GLP1R: variants seen among roughly 807,000 people sequenced by gnomAD.
GLP1R encodes glucagon like peptide 1 receptor.
In GLP1R, 32 loss-of-function variants were observed where a neutral mutation model predicts 68.4. The observed-to-expected ratio is 0.47, with a 90% confidence interval of 0.35 to 0.63. The LOEUF is 0.63. Among genes scored for constraint, GLP1R ranks in the 20% least tolerant of loss-of-function variants. The pLI is 0.00. For missense variants in GLP1R, 502 were observed against 594.9 expected (o/e 0.84, Z 1.62); for synonymous variants, 263 against 244.4 (o/e 1.08, Z -0.71).
At chr6:39,061,858 CCTT>C (rs1426107750) in intron 3 of GLP1R, among the ~76,000 whole-genome samples, 4 of 152,212 alleles carry the variant, frequency 2.6e-5, no homozygotes, top group Admixed American at 1.3e-4. Context: ...AACCTGAGCT[CCTT>C]CTCCTAAGCC....
chr6:39,072,842 G>A lies in GLP1R; in HGVS notation c.510-20G>A, dbSNP rs758648757. ...ACTGTTGGCTGCCTTGCCAGGGAAA[G>A]GCCCTGCTTTCTCCCTCAGACACCT... On this transcript the variant is annotated intron_variant, in intron 5 of 12. Coordinates refer to ENST00000373256, the MANE Select transcript of GLP1R (RefSeq NM_002062.5). The A allele has an allele frequency of 3.1e-6, 5 of 1,609,204 alleles. No homozygotes were observed. The highest frequency in any genetic ancestry group is 3.4e-6 in the Non-Finnish European group (4 of 1,176,870).
At chr6:39,055,249 T>G (rs535847852) in intron 1 of GLP1R, among the ~76,000 whole-genome samples, 83 of 152,362 alleles carry the variant, frequency 5.4e-4, no homozygotes, top group Non-Finnish European at 4.4e-5. Flanking sequence ...CTATTTTAAT[T>G]TCAGCACACG....
intron 6 of GLP1R, 65 bp downstream of exon 6, chr6:39,073,080 C>T: frequency 3.5e-6 from 5 of 1,437,418 alleles, no homozygotes; most frequent in Non-Finnish European, 4.8e-6. Flanking sequence ...GCCTCTGCCA[C>T]CCTAGACAGG....
intron 1 of GLP1R, among the ~76,000 whole-genome samples, chr6:39,050,114 C>T (rs1183385877): frequency 6.6e-6 from 1 of 152,186 alleles, no homozygotes; most frequent in Non-Finnish European, 1.5e-5. Context: ...CAGACGCATC[C>T]TCTCCCTGCC....
rs9918349 is a variant in GLP1R, at chr6:39,090,620, G to A, written c.*4547G>A. Among the ~76,000 whole-genome samples the A allele has an allele frequency of 0.1, 15,613 of 152,146 alleles. 1,974 individuals are homozygous for A. The highest frequency in any genetic ancestry group is 0.3 in the African/African-American group (12,423 of 41,450). ...TTTGGATGTGATGAGGAGCAGGGCA[G>A]CCACCAGCTTGGATCCTAACTTACA... On this transcript the variant is annotated 3_prime_UTR_variant, in exon 13 of 13. Coordinates refer to ENST00000373256, the MANE Select transcript of GLP1R (RefSeq NM_002062.5).
chr6:39,065,941 C>T (rs748042071), intron 4 of GLP1R, 112 bp downstream of exon 4: 34 of 692,318 alleles, frequency 4.9e-5, no homozygotes, highest in Non-Finnish European at 7.8e-5. Flanking sequence ...TTTCATCCAT[C>T]TCCTTGCCTC....
intron 8 of GLP1R, 142 bp downstream of exon 8, chr6:39,078,524 A>T (rs1460072700): frequency 4.3e-6 from 3 of 696,934 alleles, no homozygotes; most frequent in Non-Finnish European, 7.8e-6. Context: ...TAGTTCTCTA[A>T]TCTCCCCTCC....
chr6:39,059,715 C>G, intron 3 of GLP1R, among the ~76,000 whole-genome samples: 1 of 152,178 alleles, frequency 6.6e-6, no homozygotes, highest in East Asian at 1.9e-4. Context: ...AATACACACA[C>G]TTTCTCTGCC....
rs766037799 is a variant in GLP1R at position 39,066,205 on chromosome 6, G to A, written c.411G>A (p.Pro137=). ...TCCCCCGTGTGCCACAGAGCTCCCCGGAGGAGCAGCTCCTGTTCCTCTACA... is the reference window on the plus strand; with the variant it reads ...TCCCCCGTGTGCCACAGAGCTCCCCAGAGGAGCAGCTCCTGTTCCTCTACA... ...EESKRGERSS[P]EEQLLFLYII... is the part of the protein sequence containing the mutation. The change falls in exon 5 of 13, where the codon CCG becomes CCA. Residue 137 remains proline (P), a synonymous_variant. Transcript: ENST00000373256. 1.8e-5 allele frequency: 28 copies of A among 1,589,050 alleles called. No individual in the cohort carries two copies. The highest frequency in any genetic ancestry group is 8.8e-5 in the South Asian group (8 of 90,554).
Position 39,056,384 on chromosome 6 carries a change from G to GC in GLP1R, c.79-10dup. On this transcript the variant is annotated splice_polypyrimidine_tract_variant and intron_variant, in intron 1 of 12. Coordinates refer to ENST00000373256, the MANE Select transcript of GLP1R (RefSeq NM_002062.5). ...CTGAACCCACAGGCCTCCCATATAT[G>GC]CCCTCCCCCCAGGGTGCCACTGTGT... 1.4e-6 allele frequency: 2 copies of GC among 1,473,450 alleles called. No individual in the cohort carries two copies. Among genetic ancestry groups the GC allele is most frequent in the Non-Finnish European group, 1.9e-6 (2 of 1,053,106 alleles). 91.3% of individuals were successfully genotyped at this position (1,473,450 alleles called of 1,614,324 possible). A position where few individuals can be genotyped will look rare whatever the true frequency, so the allele number is the denominator to read the frequency against.
intron 7 of GLP1R, among the ~76,000 whole-genome samples, chr6:39,075,648 G>GGA (rs1768798764): frequency 6.6e-6 from 1 of 152,208 alleles, no homozygotes; most frequent in African/African-American, 2.4e-5. Flanking sequence ...TTGGGGTGGG[G>GGA]GAGACGGAGA....
chr6:39,063,995 C>T (rs111349604), intron 3 of GLP1R, among the ~76,000 whole-genome samples: 9,113 of 139,886 alleles, frequency 0.065, 459 homozygotes, highest in East Asian at 0.11. Flanking sequence ...TCAGGAGACT[C>T]AGTTCTTTTT....
Position 39,079,568 on chromosome 6 carries a change from G to A in GLP1R, c.1048G>A (p.Ala350Thr). Reference protein sequence around the residue: ...MCKTDIKCRLAKSTLTLIPLL... With the variant: ...MCKTDIKCRLTKSTLTLIPLL... The stretch of plus-strand genomic sequence containing the variant: ...GATCTCTGCCCTGCCCCTCAGACTT[G>A]CCAAGTCCACGCTGACACTCATCCC... The change falls in exon 11 of 13, where the codon GCC becomes ACC. Residue 350 changes from alanine (A) to threonine (T), a missense_variant. Physicochemically the swap from Ala to Thr is moderately conservative, Grantham distance 58. Transcript: ENST00000373256. The surrounding 1 kb of genome is among the most constrained non-coding windows in gnomAD (Gnocchi z 4.5). The A allele has an allele frequency of 6.3e-7, 1 of 1,593,064 alleles. No individual in the cohort carries two copies.
rs541464576 is a variant in GLP1R, at chr6:39,049,824, G to A, written c.78+906G>A. ...TGGTCAGCTGCTTTTGAAGAGGGGAGCTGTCCAAAGATGCTGGGACTTGCT... is the reference window on the plus strand; with the variant it reads ...TGGTCAGCTGCTTTTGAAGAGGGGAACTGTCCAAAGATGCTGGGACTTGCT... On this transcript the variant is annotated intron_variant, in intron 1 of 12. Coordinates refer to ENST00000373256, the MANE Select transcript of GLP1R (RefSeq NM_002062.5). The surrounding 1 kb of genome is among the most constrained non-coding windows in gnomAD (Gnocchi z 4.5). Among the ~76,000 whole-genome samples the A allele has an allele frequency of 3.4e-4, 52 of 152,286 alleles. No homozygotes were observed. Among genetic ancestry groups the A allele is most frequent in the Non-Finnish European group, 6.5e-4 (44 of 68,032 alleles).
At chr6:39,066,644 T>C (rs1768528049) in intron 5 of GLP1R, among the ~76,000 whole-genome samples, 1 of 152,168 alleles carries the variant, frequency 6.6e-6, no homozygotes, top group Admixed American at 6.5e-5. Context: ...ACTTTAATAA[T>C]CAAGAATTCA....
At chr6:39,073,821 T>A (rs767165125) in intron 7 of GLP1R, 52 bp downstream of exon 7, 6 of 1,514,232 alleles carry the variant, frequency 4.0e-6, no homozygotes, top group South Asian at 2.3e-5. Flanking sequence ...GTGGGAGACC[T>A]TGACCCCTCT....
intron 11 of GLP1R, 71 bp from the exon 12 acceptor site, chr6:39,080,627 T>C (rs1015019435): frequency 2.8e-6 from 3 of 1,068,152 alleles, no homozygotes; most frequent in African/African-American, 3.2e-5. Context: ...CCCAAAGTGC[T>C]TCCGACCAGG....
intron 5 of GLP1R, among the ~76,000 whole-genome samples, chr6:39,068,707 C>T (rs1369235862): frequency 6.6e-6 from 1 of 152,168 alleles, no homozygotes; most frequent in Non-Finnish European, 1.5e-5. Flanking sequence ...GCTAGGGTAG[C>T]CAAGGAGCAC....
intron 1 of GLP1R, among the ~76,000 whole-genome samples, chr6:39,053,029 G>A (rs745537474): frequency 1.3e-5 from 2 of 152,136 alleles, no homozygotes; most frequent in African/African-American, 2.4e-5. Context: ...CAACCCAGGT[G>A]TCGTCTCCAC....
Sources: allele counts gnomAD v4.1 joint callset (sites outside exome capture counted in the v4.1 genomes callset), GRCh38; gene constraint gnomAD v4.1.1; non-coding constraint Gnocchi (gnomAD v3.1); transcripts MANE v1.5; gene names NCBI Gene and HGNC (gene_info 2026-07-23, HGNC 2026-07-21).